Variants in JPH2 observed in about 807,000 individuals in gnomAD.
JPH2 encodes junctophilin 2.
JPH2 carries 38 observed loss-of-function variants against 55.9 expected under a neutral mutation model. The ratio of observed to expected loss-of-function variants is 0.68; its 90% confidence interval spans 0.52 to 0.89. The LOEUF (loss-of-function observed/expected upper bound fraction) is 0.89. JPH2 is among the 40% of genes least tolerant of loss of function. The pLI is 0.00. For synonymous variants in JPH2, 480 were observed against 472.4 expected, an observed-to-expected ratio of 1.02 and a Z score of -0.21; for missense variants, 964 against 1,037.6, an observed-to-expected ratio of 0.93 and a Z score of 0.97.
Position 44,160,253 on chromosome 20 carries a change from G to C in JPH2, c.534C>G (p.Asp178Glu). The C allele has an allele frequency of 6.5e-7, 1 of 1,527,998 alleles. No homozygotes were observed. The allele number at this position is 1,527,998 out of a possible 1,614,324, so 94.7% of individuals were successfully genotyped here. Residue 178 changes from aspartate to glutamate, a missense_variant, in exon 2 of 6, where the codon GAC becomes GAG. By Grantham distance (45) the Asp-to-Glu change is conservative. Transcript: ENST00000372980. This position sits in a 1 kb window ranked among gnomAD's most constrained non-coding sequence, Gnocchi z 4.9. ...CGTCGGAGGCCGGCGAGGCGGGAGA[G>C]TCCGGGGCCACCGTGCCGTTGCTGT... is the stretch of plus-strand genomic sequence containing the variant. The part of the protein sequence containing the change: ...SEHSNGTVAP[D>E]SPASPASDGP...
At chr20:44,158,172 C>T (rs1277996826) in intron 2 of JPH2, among the ~76,000 whole-genome samples, 1 of 152,208 alleles carries the variant, frequency 6.6e-6, no homozygotes, top group East Asian at 1.9e-4. Context: ...GCTCTAAGGA[C>T]AGAACGGCAG....
intron 2 of JPH2, among the ~76,000 whole-genome samples, chr20:44,142,523 T>A (rs537456183): frequency 1.0e-3 from 159 of 151,914 alleles, no homozygotes; most frequent in Non-Finnish European, 1.9e-3. Flanking sequence ...GGCCCCTCCC[T>A]CTCCCGGGCA....
chr20:44,151,483 C>T (rs1348994465), intron 2 of JPH2, among the ~76,000 whole-genome samples: 1 of 152,138 alleles, frequency 6.6e-6, no homozygotes, highest in East Asian at 1.9e-4. Context: ...TGCCATTGCA[C>T]TCCAGTCTGG....
intron 2 of JPH2, among the ~76,000 whole-genome samples, chr20:44,144,496 G>T (rs2072479955): frequency 6.6e-6 from 1 of 152,158 alleles, no homozygotes; most frequent in South Asian, 2.1e-4. Context: ...GAAGACCAAG[G>T]ACACTTGGTG....
In JPH2 at chr20:44,177,979, G is replaced by C. The variant is rs762149511; in HGVS notation, c.379+8348C>G. 9.4e-5 allele frequency: 97 copies of C among 1,030,794 alleles called. 1 individual carries two copies. In the South Asian group the frequency reaches 1.2e-3, roughly 13 times the overall value. The allele number at this position is 1,030,794 out of a possible 1,614,324, so 63.9% of individuals were successfully genotyped here. Reference sequence around the variant, plus strand: ...GGGCGATTTTAACACATCCCTAAAGGAAAAAAGGAAACAGAAGCTCAGGGA... The same window carrying C: ...GGGCGATTTTAACACATCCCTAAAGCAAAAAAGGAAACAGAAGCTCAGGGA... On this transcript the variant is annotated intron_variant, in intron 1 of 5. Coordinates refer to ENST00000372980, the MANE Select transcript of JPH2 (RefSeq NM_020433.5).
At position 44,115,820 on chromosome 20, in the gene JPH2, G is replaced by A; in HGVS notation, c.1855C>T (p.Pro619Ser). The change falls in exon 4 of 6, where the codon CCC (proline) becomes TCC (serine). Residue 619 changes from proline (P) to serine (S), a missense_variant. Transcript: ENST00000372980. ...ATGGGCTTGGGCTCCAGCTTGGCGG[G>A]GGTCTCGCGTGCAGGCTCGGGGCCT... Reference protein sequence around the residue: ...LRGPEPARETPAKLEPKPIIP... With the variant: ...LRGPEPARETSAKLEPKPIIP... 1 of 1,602,698 alleles carries A rather than the reference G, an allele frequency of 6.2e-7. No homozygotes were observed. Among genetic ancestry groups the A allele is most frequent in the South Asian group, 1.1e-5 (1 of 90,964 alleles).
chr20:44,172,227 A>G lies in JPH2; in HGVS notation c.380-11820T>C, dbSNP rs377624702. Among the ~76,000 whole-genome samples the G allele has an allele frequency of 8.5e-5, 13 of 152,332 alleles. No homozygotes were observed. In the East Asian group the frequency reaches 9.6e-4, roughly 11 times the overall value. On this transcript the variant is annotated intron_variant, in intron 1 of 5. Coordinates refer to ENST00000372980, the MANE Select transcript of JPH2 (RefSeq NM_020433.5). ...GGAACTTTCAGTGCTAATACCGGGC[A>G]GTTTCAGGCAAATTGAGATGGCTGA...
At chr20:44,151,203 A>T (rs1290396066) in intron 2 of JPH2, among the ~76,000 whole-genome samples, 1 of 152,146 alleles carries the variant, frequency 6.6e-6, no homozygotes, top group East Asian at 1.9e-4. Context: ...ACAAAATGCA[A>T]ATCTCTAGTT....
chr20:44,160,064 G>C lies in JPH2; in HGVS notation c.723C>G (p.Ser241Arg), dbSNP rs587782952. 12 of 1,540,346 alleles carry C rather than the reference G, an allele frequency of 7.8e-6. No individual in the cohort carries two copies. Among genetic ancestry groups the C allele is most frequent in the Non-Finnish European group, 8.7e-6 (10 of 1,149,126 alleles). ...TAAGGAAGCTGACACGGCTGCGCTG[G>C]CTACCCACGGACGTGCGCGACTCTG... is the stretch of plus-strand genomic sequence containing the variant. ...RRAESRTSVG[S>R]QRSRVSFLKS... Residue 241 changes from serine (S) to arginine (R), a missense_variant, in exon 2 of 6, where the codon AGC becomes AGG. By Grantham distance (110) the Ser-to-Arg change is moderately radical (BLOSUM62 -1). Transcript: ENST00000372980. This position sits in a 1 kb window ranked among gnomAD's most constrained non-coding sequence, Gnocchi z 4.9.
chr20:44,119,003 G>T (rs2072215036), intron 2 of JPH2, among the ~76,000 whole-genome samples: 1 of 152,178 alleles, frequency 6.6e-6, no homozygotes, highest in Non-Finnish European at 1.5e-5. Context: ...CCAGAATAGG[G>T]ACTTAACTTC....
chr20:44,131,465 G>C (rs143249847), intron 2 of JPH2, among the ~76,000 whole-genome samples: 200 of 152,262 alleles, frequency 1.3e-3, no homozygotes, highest in Admixed American at 3.1e-3. Flanking sequence ...AACGTGTGTT[G>C]TTTTAAGCTG....
At chr20:44,158,890 G>T (rs536382027) in intron 2 of JPH2, among the ~76,000 whole-genome samples, 2 of 152,286 alleles carry the variant, frequency 1.3e-5, no homozygotes, top group South Asian at 4.1e-4. Flanking sequence ...GGGTGGCTGG[G>T]CAGCTGGAAG....
chr20:44,110,531 T>C lies in JPH2; in HGVS notation c.*2987A>G, dbSNP rs1600825767. On this transcript the variant is annotated 3_prime_UTR_variant, in exon 6 of 6. Coordinates refer to ENST00000372980, the MANE Select transcript of JPH2 (RefSeq NM_020433.5). ...CCTCCGCCTCCAGGGTTCAAGTGCT[T>C]CTCCTGCCTCAGTCTCCCAACTAGC... Among the ~76,000 whole-genome samples, 1 of 152,010 alleles carries C rather than the reference T, an allele frequency of 6.6e-6. No homozygotes were observed. The highest frequency in any genetic ancestry group is 2.4e-5 in the African/African-American group (1 of 41,396).
At chr20:44,133,913 CATTATAAT>C (rs1569192041) in intron 2 of JPH2, among the ~76,000 whole-genome samples, 5,381 of 17,700 alleles carry the variant, frequency 0.3, 1,896 homozygotes, top group African/African-American at 0.48. Context: ...AATAAATATA[CATTATAAT>C]ATATAAATAT....
chr20:44,159,888 C>A lies in JPH2; in HGVS notation c.899G>T (p.Arg300Leu). ...TYMGEWKNDK[R>L]SGFGVSERSS... ...GCGTTCGCTCACGCCGAAGCCCGAG[C>A]GTTTGTCGTTCTTCCACTCGCCCAT... The change falls in exon 2 of 6, where the codon CGC becomes CTC. Residue 300 changes from arginine (R) to leucine (L), a missense_variant. Coordinates refer to ENST00000372980, the MANE Select transcript of JPH2 (RefSeq NM_020433.5). The surrounding 1 kb of genome is among the most constrained non-coding windows in gnomAD (Gnocchi z 5.7). The A allele has an allele frequency of 1.9e-6, 3 of 1,613,284 alleles. No individual in the cohort carries two copies. The highest frequency in any genetic ancestry group is 2.2e-5 in the South Asian group (2 of 91,026).
rs894217949 is a variant in JPH2 at position 44,160,309 on chromosome 20, G to A, written c.478C>T (p.Arg160Cys). ...CTGCGCAGGGACGACAGCGACGTGC[G>A]CAGCGGCGAGCGCACCACCACGGCC... ...GMAVVVRSPL[R>C]TSLSSLRSEH... The change falls in exon 2 of 6, where the codon CGC (arginine) becomes TGC (cysteine). Residue 160 changes from arginine to cysteine, a missense_variant. By Grantham distance (180) the Arg-to-Cys change is radical. Transcript: ENST00000372980. The surrounding 1 kb of genome is among the most constrained non-coding windows in gnomAD (Gnocchi z 4.9). The A allele has an allele frequency of 6.4e-7, 1 of 1,555,082 alleles. No individual in the cohort carries two copies. Among genetic ancestry groups the A allele is most frequent in the Non-Finnish European group, 8.7e-7 (1 of 1,151,252 alleles).
chr20:44,167,319 C>G (rs1387035688), intron 1 of JPH2, among the ~76,000 whole-genome samples: 1 of 152,172 alleles, frequency 6.6e-6, no homozygotes, highest in Non-Finnish European at 1.5e-5. Context: ...ATGCTAAGCT[C>G]CTGGCATCTA....
intron 4 of JPH2, 97 bp downstream of exon 4, chr20:44,115,568 C>G (rs1158361385): frequency 7.2e-6 from 11 of 1,531,644 alleles, no homozygotes; most frequent in Non-Finnish European, 8.1e-6. Context: ...TCTCTCGCAC[C>G]CCAGCAACCC....
chr20:44,183,031 G>A (rs1036230429), intron 1 of JPH2, among the ~76,000 whole-genome samples: 13 of 151,600 alleles, frequency 8.6e-5, no homozygotes, highest in African/African-American at 2.2e-4. Flanking sequence ...ACATACACAC[G>A]CACACATAAA....
Sources: allele counts gnomAD v4.1 joint callset (sites outside exome capture counted in the v4.1 genomes callset), GRCh38; gene constraint gnomAD v4.1.1; non-coding constraint Gnocchi (gnomAD v3.1); transcripts MANE v1.5; gene names NCBI Gene and HGNC (gene_info 2026-07-23, HGNC 2026-07-21).